C8orf34: variants seen among roughly 807,000 people sequenced by gnomAD.
The protein encoded by C8orf34 is chromosome 8 open reading frame 34.
Under a neutral mutation model 68.3 loss-of-function variants are expected in C8orf34, and 65 were observed. The ratio of observed to expected loss-of-function variants is 0.95; its 90% CI spans 0.78 to 1.17. C8orf34 has a LOEUF of 1.17. Among genes scored for constraint, C8orf34 ranks in the 50% most tolerant of loss-of-function variants. The pLI, the probability that C8orf34 is intolerant of heterozygous loss-of-function variation, is 0.00. For missense variants in C8orf34, 664 were observed against 655.4 expected (o/e 1.01, Z -0.14); for synonymous variants, 244 against 241.2 (o/e 1.01, Z -0.11).
rs1448432425 is a variant in C8orf34, at chr8:68,731,893, A to G, written c.1404+10456A>G. 2.6e-5 allele frequency among the ~76,000 whole-genome samples: 4 copies of G among 152,370 alleles called. No homozygotes were observed. The East Asian group carries it at 7.7e-4, about 29-fold the overall frequency. Reference sequence around the variant, plus strand: ...CCAAATAGTTTGTCCCAGGCTACTGATCATTGGGATTGGTGACAGAAATGC... The same window carrying G: ...CCAAATAGTTTGTCCCAGGCTACTGGTCATTGGGATTGGTGACAGAAATGC... On this transcript the variant is annotated intron_variant, in intron 10 of 13. Coordinates refer to ENST00000518698, the MANE Select transcript of C8orf34 (RefSeq NM_052958.4).
intron 7 of C8orf34, among the ~76,000 whole-genome samples, chr8:68,608,848 C>T (rs1015114356): frequency 4.6e-5 from 7 of 151,958 alleles, no homozygotes; most frequent in African/African-American, 9.7e-5. Flanking sequence ...GTTAATAGTA[C>T]GGATGAAGTG....
At chr8:68,507,683 GCTTA>G (rs896176629) in intron 5 of C8orf34, among the ~76,000 whole-genome samples, 5 of 152,110 alleles carry the variant, frequency 3.3e-5, no homozygotes, top group Non-Finnish European at 5.9e-5. Context: ...AACTTCCTCA[GCTTA>G]CTTACTTACT....
At chr8:68,750,131 A>G (rs561690613) in intron 10 of C8orf34, among the ~76,000 whole-genome samples, 2 of 152,336 alleles carry the variant, frequency 1.3e-5, no homozygotes, top group Admixed American at 1.3e-4. Context: ...ATATATCCAA[A>G]CAAATTGAAA....
intron 7 of C8orf34, among the ~76,000 whole-genome samples, chr8:68,590,010 A>C (rs1040539844): frequency 4.7e-5 from 7 of 150,492 alleles, no homozygotes; most frequent in African/African-American, 1.5e-4. Context: ...AATAAGAAAA[A>C]ATTTTTAAAA....
intron 8 of C8orf34, among the ~76,000 whole-genome samples, chr8:68,664,639 C>A (rs1314165661): frequency 6.6e-6 from 1 of 152,086 alleles, no homozygotes; most frequent in African/African-American, 2.4e-5. Context: ...GGATGTCACC[C>A]CATTGAACAC....
chr8:68,702,143 G>T (rs1412420550), intron 8 of C8orf34, among the ~76,000 whole-genome samples: 1 of 151,970 alleles, frequency 6.6e-6, no homozygotes. Flanking sequence ...ATCTCCATGA[G>T]AATGGAAGCT....
At chr8:68,341,906 G>A (rs1320548440) in intron 1 of C8orf34, among the ~76,000 whole-genome samples, 1 of 151,502 alleles carries the variant, frequency 6.6e-6, no homozygotes, top group Non-Finnish European at 1.5e-5. Flanking sequence ...ACACATCAGG[G>A]GTTGAGGGTG....
At chr8:68,795,373 G>A (rs1260754428) in intron 12 of C8orf34, among the ~76,000 whole-genome samples, 1 of 149,464 alleles carries the variant, frequency 6.7e-6, no homozygotes, top group Non-Finnish European at 1.5e-5. Flanking sequence ...TTGTTTCTTG[G>A]CATGTCATTT....
At chr8:68,758,247 A>C (rs1342862841) in intron 10 of C8orf34, among the ~76,000 whole-genome samples, 1 of 152,250 alleles carries the variant, frequency 6.6e-6, no homozygotes, top group African/African-American at 2.4e-5. Flanking sequence ...ATATATTTTT[A>C]AAAATTTTCT....
intron 1 of C8orf34, among the ~76,000 whole-genome samples, chr8:68,367,650 CA>C (rs1249599613): frequency 3.6e-5 from 5 of 139,146 alleles, no homozygotes; most frequent in African/African-American, 1.1e-4. Flanking sequence ...ATCACAAGAA[CA>C]AAAAACCAAA....
At chr8:68,555,010 A>G (rs1816207741) in intron 7 of C8orf34, among the ~76,000 whole-genome samples, 1 of 151,976 alleles carries the variant, frequency 6.6e-6, no homozygotes, top group Non-Finnish European at 1.5e-5. Flanking sequence ...ACTTGGCTTT[A>G]TTTTGCCACT....
intron 10 of C8orf34, among the ~76,000 whole-genome samples, chr8:68,744,593 G>A (rs1822419796): frequency 6.6e-6 from 1 of 152,126 alleles, no homozygotes; most frequent in African/African-American, 2.4e-5. Flanking sequence ...GAATGCAGAA[G>A]CCTCAGGAGC....
At chr8:68,415,742 C>T (rs368621644) in intron 1 of C8orf34, among the ~76,000 whole-genome samples, 1 of 152,142 alleles carries the variant, frequency 6.6e-6, no homozygotes, top group South Asian at 2.1e-4. Flanking sequence ...TGCTCAAATC[C>T]GAGACTTGAT....
chr8:68,574,385 G>A (rs1187996266), intron 7 of C8orf34, among the ~76,000 whole-genome samples: 1 of 151,936 alleles, frequency 6.6e-6, no homozygotes, highest in African/African-American at 2.4e-5. Flanking sequence ...TCACCTACCT[G>A]ACATATTATC....
At chr8:68,629,119 G>A (rs1357036996) in intron 7 of C8orf34, among the ~76,000 whole-genome samples, 1 of 152,048 alleles carries the variant, frequency 6.6e-6, no homozygotes, top group Admixed American at 6.6e-5. Context: ...AAAAATAGTT[G>A]CAAGGAGTGT....
intron 2 of C8orf34, among the ~76,000 whole-genome samples, chr8:68,440,964 C>T (rs1810880298): frequency 6.6e-6 from 1 of 152,066 alleles, no homozygotes; most frequent in African/African-American, 2.4e-5. Context: ...GCCACCATAC[C>T]CAGCTAGTTT....
intron 6 of C8orf34, among the ~76,000 whole-genome samples, chr8:68,529,173 G>A (rs1178710745): frequency 2.6e-5 from 4 of 152,194 alleles, no homozygotes; most frequent in African/African-American, 4.8e-5. Flanking sequence ...GCTCCTCAAA[G>A]TAGTTTACTT....
At chr8:68,748,078 A>G (rs192318970) in intron 10 of C8orf34, among the ~76,000 whole-genome samples, 38,658 of 137,738 alleles carry the variant, frequency 0.28, 5,251 homozygotes, top group African/African-American at 0.36. Context: ...CAGAAATAAC[A>G]CCGCATATCT....
chr8:68,683,645 G>A (rs1015565833), intron 8 of C8orf34, among the ~76,000 whole-genome samples: 3 of 151,958 alleles, frequency 2.0e-5, no homozygotes, highest in Non-Finnish European at 2.9e-5. Context: ...AAGAAAAAAC[G>A]TATCTCAACA....
Sources: gnomAD v4.1 joint callset for allele counts (sites outside exome capture counted in the v4.1 genomes callset) on GRCh38, gnomAD v4.1.1 for gene constraint, MANE v1.5 for transcripts, NCBI Gene and HGNC (gene_info 2026-07-23, HGNC 2026-07-21) for gene names.